ASIC2: variants seen among roughly 807,000 people sequenced by gnomAD.
ASIC2 encodes acid sensing ion channel subunit 2.
In ASIC2, 25 loss-of-function variants were observed where a neutral mutation model predicts 57.3. The ratio of observed to expected loss-of-function variants is 0.44; its 90% CI spans 0.32 to 0.61. ASIC2 has a LOEUF of 0.61. Ranked by LOEUF, ASIC2 falls within the 20% of genes least tolerant of loss-of-function variation. The probability of loss-of-function intolerance (pLI) is 0.06; values close to 1 mark genes in which losing one functional copy is unlikely to be tolerated. For synonymous variants in ASIC2, 319 were observed against 307.5 expected (o/e 1.04, Z -0.39); for missense variants, 641 against 738.1 (o/e 0.87, Z 1.52).
intron 1 of ASIC2, among the ~76,000 whole-genome samples, chr17:33,715,009 ATTATT>A (rs1418519957): frequency 2.7e-5 from 4 of 149,528 alleles, no homozygotes; most frequent in Admixed American, 6.7e-5. Flanking sequence ...TATTATTATT[ATTATT>A]TTGAGTCAGG....
chr17:34,068,643 G>A (rs1441502642), intron 1 of ASIC2, among the ~76,000 whole-genome samples: 13 of 152,212 alleles, frequency 8.5e-5, no homozygotes, highest in Non-Finnish European at 1.2e-4. Context: ...TCAGCACTGA[G>A]GCCTCTGTCT....
intron 1 of ASIC2, among the ~76,000 whole-genome samples, chr17:33,412,365 CAGAGGGGTAG>C (rs1910693908): frequency 6.6e-6 from 1 of 152,120 alleles, no homozygotes; most frequent in Non-Finnish European, 1.5e-5. Flanking sequence ...ATGGTAACTG[CAGAGGGGTAG>C]AGAGGGGGTG....
chr17:33,810,664 C>T (rs1264571549), intron 1 of ASIC2, among the ~76,000 whole-genome samples: 1 of 152,096 alleles, frequency 6.6e-6, no homozygotes. Context: ...AATGGTTTGT[C>T]TAAGTTCAAA....
chr17:33,837,031 C>T (rs1449315156), intron 1 of ASIC2, among the ~76,000 whole-genome samples: 3 of 152,280 alleles, frequency 2.0e-5, no homozygotes, highest in African/African-American at 4.8e-5. Context: ...TATCTGAGTT[C>T]CTACAGCCTT....
chr17:33,490,320 T>G (rs1913711762), intron 1 of ASIC2, among the ~76,000 whole-genome samples: 1 of 152,268 alleles, frequency 6.6e-6, no homozygotes, highest in Admixed American at 6.5e-5. Context: ...AATTAATGGC[T>G]ACATGATACC....
chr17:33,284,257 T>C (rs895037609), intron 1 of ASIC2, among the ~76,000 whole-genome samples: 1 of 152,236 alleles, frequency 6.6e-6, no homozygotes. Context: ...CATCTATTTG[T>C]TAGCACAGGC....
intron 1 of ASIC2, among the ~76,000 whole-genome samples, chr17:34,020,287 A>G (rs1477611472): frequency 6.6e-6 from 1 of 152,024 alleles, no homozygotes. Context: ...AAATGGCTCC[A>G]CTCCGCCTGG....
chr17:33,763,072 A>G (rs1038547802), intron 1 of ASIC2, among the ~76,000 whole-genome samples: 1 of 152,188 alleles, frequency 6.6e-6, no homozygotes, highest in Non-Finnish European at 1.5e-5. Flanking sequence ...TAGAACCAGT[A>G]TCAGATCTCT....
At chr17:33,445,849 G>A (rs1911999247) in intron 1 of ASIC2, among the ~76,000 whole-genome samples, 1 of 151,334 alleles carries the variant, frequency 6.6e-6, no homozygotes, top group Admixed American at 6.6e-5. Flanking sequence ...GTCATTTGGA[G>A]TTGTGGTTCA....
rs190839361 is a variant in ASIC2 at position 33,489,324 on chromosome 17, A to G, written c.556-377257T>C. ...CAAAGGGGTGGGTATTATTAGCCCC[A>G]TTATATAACCAGGAACCTGAGGCTC... On this transcript the variant is annotated intron_variant, in intron 1 of 9. Transcript: ENST00000359872. 1.8e-3 allele frequency among the ~76,000 whole-genome samples: 276 copies of G among 152,318 alleles called. 2 individuals are homozygous for G. The highest frequency in any genetic ancestry group is 3.3e-3 in the Non-Finnish European group (223 of 68,028).
chr17:34,023,530 C>T (rs1907263510), intron 1 of ASIC2, among the ~76,000 whole-genome samples: 1 of 152,146 alleles, frequency 6.6e-6, no homozygotes, highest in Admixed American at 6.5e-5. Context: ...AGAAGTGGGG[C>T]CTTTCAGAGT....
intron 1 of ASIC2, among the ~76,000 whole-genome samples, chr17:33,182,534 G>A (rs987964958): frequency 4.6e-5 from 7 of 152,116 alleles, no homozygotes; most frequent in Non-Finnish European, 7.4e-5. Flanking sequence ...CTCAATTACA[G>A]GAGAATATAA....
At chr17:33,368,114 C>T (rs1271858773) in intron 1 of ASIC2, among the ~76,000 whole-genome samples, 1 of 152,212 alleles carries the variant, frequency 6.6e-6, no homozygotes, top group African/African-American at 2.4e-5. Context: ...TCTATGCTCT[C>T]TCTTCTTGAA....
intron 1 of ASIC2, among the ~76,000 whole-genome samples, chr17:33,596,174 C>T (rs192888723): frequency 3.2e-4 from 49 of 152,294 alleles, no homozygotes; most frequent in African/African-American, 1.2e-3. Flanking sequence ...TGAGGCTCTT[C>T]TACCATCAGT....
chr17:33,509,141 T>C (rs536256838), intron 1 of ASIC2, among the ~76,000 whole-genome samples: 3 of 152,228 alleles, frequency 2.0e-5, no homozygotes, highest in Non-Finnish European at 4.4e-5. Flanking sequence ...GTCTGGTAAA[T>C]GTCAGTTGTT....
intron 1 of ASIC2, among the ~76,000 whole-genome samples, chr17:33,424,042 C>T (rs148831332): frequency 8.5e-5 from 13 of 152,324 alleles, no homozygotes; most frequent in South Asian, 4.1e-4. Context: ...TCTGCCACTC[C>T]CCTTCTACCC....
chr17:33,363,883 G>A (rs1215776093), intron 1 of ASIC2, among the ~76,000 whole-genome samples: 3 of 152,170 alleles, frequency 2.0e-5, no homozygotes, highest in Admixed American at 2.0e-4. Context: ...ACCCTTTCCT[G>A]GGGCAGCCAC....
At chr17:33,357,597 G>A (rs2142256425) in intron 1 of ASIC2, among the ~76,000 whole-genome samples, 1 of 152,140 alleles carries the variant, frequency 6.6e-6, no homozygotes, top group African/African-American at 2.4e-5. Context: ...CTCTCCTTTG[G>A]AATGCAGTGG....
chr17:33,680,461 C>A (rs1191309176), intron 1 of ASIC2: 1 of 152,206 alleles, frequency 6.6e-6, no homozygotes, highest in East Asian at 1.9e-4. Context: ...CAGGGAGGAG[C>A]AGAGGGCAGC....
Sources: gnomAD v4.1 joint callset for allele counts (sites outside exome capture counted in the v4.1 genomes callset) on GRCh38, gnomAD v4.1.1 for gene constraint, MANE v1.5 for transcripts, NCBI Gene and HGNC (gene_info 2026-07-23, HGNC 2026-07-21) for gene names.